The following COL23A1 variants were observed in gnomAD, a reference collection of about 807,000 sequenced individuals.
COL23A1 encodes the protein collagen alpha-1(XXIII) chain.
Under a neutral mutation model 99.3 loss-of-function variants are expected in COL23A1, and 97 were observed. That is an observed-to-expected ratio of 0.98 (90% confidence interval 0.83 to 1.16). The LOEUF (loss-of-function observed/expected upper bound fraction) is 1.16. Among genes scored for constraint, COL23A1 ranks in the 50% most tolerant of loss-of-function variants. The pLI, the probability that COL23A1 is intolerant of heterozygous loss-of-function variation, is 0.00. For synonymous variants in COL23A1, 320 were observed against 308.2 expected, an observed-to-expected ratio of 1.04 and a Z score of -0.40; for missense variants, 762 against 757.4, an observed-to-expected ratio of 1.01 and a Z score of -0.07.
intron 2 of COL23A1, among the ~76,000 whole-genome samples, chr5:178,455,839 G>C (rs1307812426): frequency 6.6e-6 from 1 of 152,090 alleles, no homozygotes; most frequent in Non-Finnish European, 1.5e-5. Flanking sequence ...GAGGAAGCCA[G>C]ACTCCACCTA....
intron 2 of COL23A1, among the ~76,000 whole-genome samples, chr5:178,400,570 A>T (rs1423855921): frequency 6.6e-6 from 1 of 152,116 alleles, no homozygotes; most frequent in Admixed American, 6.6e-5. Flanking sequence ...TACCATTTTA[A>T]CCATTTTTAA....
chr5:178,498,249 T>TATATATAA (rs1758327443), intron 2 of COL23A1, among the ~76,000 whole-genome samples: 1 of 57,742 alleles, frequency 1.7e-5, no homozygotes, highest in Admixed American at 1.6e-4. Flanking sequence ...TATATATATA[T>TATATATAA]ATATATATAA....
intron 2 of COL23A1, among the ~76,000 whole-genome samples, chr5:178,319,590 A>G (rs1759173550): frequency 6.6e-6 from 1 of 152,190 alleles, no homozygotes; most frequent in Admixed American, 6.5e-5. Context: ...TGGGCATGCA[A>G]CATGCGCCGT....
intron 5 of COL23A1, among the ~76,000 whole-genome samples, chr5:178,285,892 G>T (rs1413768250): frequency 1.3e-5 from 2 of 152,252 alleles, no homozygotes; most frequent in Admixed American, 1.3e-4. Flanking sequence ...GGCCCCAGGA[G>T]CCTGCGAAAG....
Position 178,239,180 on chromosome 5 carries a change from C to T in COL23A1, c.1582-1G>A. On this transcript the variant is annotated splice_acceptor_variant, in intron 27 of 28. Coordinates refer to ENST00000390654, the MANE Select transcript of COL23A1 (RefSeq NM_173465.4). LOFTEE classifies it high-confidence loss of function. ...CAGGCACAGGCAGCCCGTCGGGGCC[C>T]TGGAAAGGAAGAAGGTTTCAGTGAT... The T allele has an allele frequency of 6.2e-7, 1 of 1,614,138 alleles. No homozygotes were observed. Among genetic ancestry groups the T allele is most frequent in the Non-Finnish European group, 8.5e-7 (1 of 1,180,006 alleles).
intron 2 of COL23A1, among the ~76,000 whole-genome samples, chr5:178,425,193 C>T (rs1459063356): frequency 6.6e-6 from 1 of 152,268 alleles, no homozygotes; most frequent in African/African-American, 2.4e-5. Context: ...GAGGCTGAGG[C>T]AGGCAGATCA....
chr5:178,508,808 G>T (rs1218520519), intron 2 of COL23A1, among the ~76,000 whole-genome samples: 1 of 152,192 alleles, frequency 6.6e-6, no homozygotes, highest in African/African-American at 2.4e-5. Context: ...GGCTTTTGTT[G>T]TGAGGTCACC....
At chr5:178,357,518 T>G (rs1761726935) in intron 2 of COL23A1, among the ~76,000 whole-genome samples, 1 of 152,198 alleles carries the variant, frequency 6.6e-6, no homozygotes, top group Non-Finnish European at 1.5e-5. Flanking sequence ...AAGTGAGTTC[T>G]TTGAAGGAAA....
At chr5:178,553,066 C>A (rs1283340591) in intron 2 of COL23A1, among the ~76,000 whole-genome samples, 1 of 151,334 alleles carries the variant, frequency 6.6e-6, no homozygotes, top group Admixed American at 6.6e-5. Flanking sequence ...GCTATTATCC[C>A]GGCTGAGGCA....
rs55977043 is a variant in COL23A1, at chr5:178,387,841, A to C, written c.362-80922T>G. ...CCCCAGCTTTTATACTCAGGAAGGA[A>C]GAGGGCCCAAGGAGAAAATAAGGAG... On this transcript the variant is annotated intron_variant, in intron 2 of 28. Coordinates refer to ENST00000390654, the MANE Select transcript of COL23A1 (RefSeq NM_173465.4). This position sits in a 1 kb window ranked among gnomAD's most constrained non-coding sequence, Gnocchi z 4.7. Among the ~76,000 whole-genome samples the C allele has an allele frequency of 0.04, 6,138 of 152,192 alleles. 428 individuals are homozygous for C. Among genetic ancestry groups the C allele is most frequent in the African/African-American group, 0.14 (5,737 of 41,500 alleles).
intron 8 of COL23A1, among the ~76,000 whole-genome samples, chr5:178,266,200 C>T (rs964364542): frequency 1.3e-5 from 2 of 152,022 alleles, no homozygotes; most frequent in African/African-American, 4.8e-5. Flanking sequence ...ACCTCCACAC[C>T]CGGCTAATTT....
At chr5:178,494,345 A>AC (rs1758085572) in intron 2 of COL23A1, among the ~76,000 whole-genome samples, 2 of 152,170 alleles carry the variant, frequency 1.3e-5, no homozygotes, top group Admixed American at 1.3e-4. Flanking sequence ...GCCCAATAGC[A>AC]GCAGGTCACA....
At chr5:178,585,933 G>GT (rs1457509605) in intron 1 of COL23A1, among the ~76,000 whole-genome samples, 2 of 152,222 alleles carry the variant, frequency 1.3e-5, no homozygotes, top group African/African-American at 2.4e-5. Context: ...GCTAGTGGCT[G>GT]TAAGTCTGCC....
chr5:178,505,697 T>C (rs1012038938), intron 2 of COL23A1, among the ~76,000 whole-genome samples: 2 of 152,160 alleles, frequency 1.3e-5, no homozygotes, highest in African/African-American at 2.4e-5. Flanking sequence ...CAGCATCTTT[T>C]TGAAGGGGCA....
At chr5:178,383,925 T>C (rs1294775604) in intron 2 of COL23A1, among the ~76,000 whole-genome samples, 3 of 148,426 alleles carry the variant, frequency 2.0e-5, no homozygotes, top group South Asian at 2.1e-4. Flanking sequence ...CAGAAAAAGA[T>C]AGACATGAAT....
intron 2 of COL23A1, among the ~76,000 whole-genome samples, chr5:178,510,624 A>G (rs1759149427): frequency 6.6e-6 from 1 of 152,174 alleles, no homozygotes; most frequent in African/African-American, 2.4e-5. Context: ...GTATGTAACT[A>G]ACCTGCACAT....
intron 2 of COL23A1, among the ~76,000 whole-genome samples, chr5:178,433,946 C>G (rs983340083): frequency 1.3e-5 from 2 of 152,162 alleles, no homozygotes; most frequent in Non-Finnish European, 2.9e-5. Flanking sequence ...CACAGAAGGA[C>G]GGCCATGTGA....
intron 2 of COL23A1, among the ~76,000 whole-genome samples, chr5:178,560,218 G>GT (rs1762487783): frequency 6.6e-6 from 1 of 152,296 alleles, no homozygotes; most frequent in South Asian, 2.1e-4. Context: ...CTCATTGCCT[G>GT]TTTCCTTCCT....
intron 2 of COL23A1, among the ~76,000 whole-genome samples, chr5:178,336,001 C>G (rs1760295979): frequency 6.6e-6 from 1 of 152,166 alleles, no homozygotes; most frequent in Non-Finnish European, 1.5e-5. Context: ...TTCGTTTTGC[C>G]TTATCCAAGT....
Sources: gnomAD v4.1 joint callset for allele counts (sites outside exome capture counted in the v4.1 genomes callset) on GRCh38, gnomAD v4.1.1 for gene constraint, Gnocchi (gnomAD v3.1) non-coding constraint, MANE v1.5 for transcripts, NCBI Gene and HGNC (gene_info 2026-07-23, HGNC 2026-07-21) for gene names.